The following MAP4K3 variants were observed in gnomAD, a reference collection of about 807,000 sequenced individuals.
MAP4K3 encodes the protein mitogen-activated protein kinase kinase kinase kinase 3.
Under a neutral mutation model 143.5 loss-of-function variants are expected in MAP4K3, and 94 were observed. The ratio of observed to expected loss-of-function variants is 0.65; its 90% CI spans 0.55 to 0.78. MAP4K3 has a LOEUF of 0.78. Ranked by LOEUF, MAP4K3 falls within the 30% of genes least tolerant of loss-of-function variation. MAP4K3 has a pLI of 0.00. For missense variants in MAP4K3, 1,077 were observed against 1,068.1 expected (o/e 1.01, Z -0.12); for synonymous variants, 416 against 347.2 (o/e 1.20, Z -2.20).
intron 31 of MAP4K3, among the ~76,000 whole-genome samples, chr2:39,255,395 G>A (rs1163331922): frequency 6.6e-6 from 1 of 152,022 alleles, no homozygotes; most frequent in Non-Finnish European, 1.5e-5. Context: ...ATGTATTCAG[G>A]GAGGAATAAA....
chr2:39,267,674 G>A (rs927194667), intron 26 of MAP4K3, among the ~76,000 whole-genome samples: 4 of 49,070 alleles, frequency 8.2e-5, no homozygotes, highest in African/African-American at 2.7e-4. Context: ...GCAAAACTCG[G>A]TCTCCAAAAA....
rs1022193118 is a variant in MAP4K3 at position 39,437,109 on chromosome 2, C to G, written c.-122G>C. On this transcript the variant is annotated 5_prime_UTR_variant, in exon 1 of 34. Transcript: ENST00000263881. ...TCCCCCGGCGGTCACAATCACCCGG[C>G]TCCACGCTGCGGCCGCCGCCGCCGC... 3.3e-6 allele frequency: 2 copies of G among 602,300 alleles called. No individual in the cohort carries two copies. Among genetic ancestry groups the G allele is most frequent in the African/African-American group, 2.0e-5 (1 of 50,186 alleles). The allele number at this position is 602,300 out of a possible 1,614,324, so 37.3% of individuals were successfully genotyped here.
At chr2:39,370,981 G>C (rs1288522278) in intron 2 of MAP4K3, among the ~76,000 whole-genome samples, 2 of 152,024 alleles carry the variant, frequency 1.3e-5, no homozygotes, top group African/African-American at 4.8e-5. Context: ...TATTCTACTA[G>C]CAAGCTCTGC....
intron 2 of MAP4K3, among the ~76,000 whole-genome samples, chr2:39,373,627 C>A (rs2148575274): frequency 6.6e-6 from 1 of 152,306 alleles, no homozygotes; most frequent in South Asian, 2.1e-4. Flanking sequence ...GAGATCCTGC[C>A]ATTTGCAACA....
rs1680076341 is a variant in MAP4K3 at position 39,249,709 on chromosome 2, A to T, written c.*909T>A. 6.6e-6 allele frequency: 1 copy of T among 152,646 alleles called. No homozygotes were observed. Among genetic ancestry groups the T allele is most frequent in the South Asian group, 2.1e-4 (1 of 4,836 alleles). 9.5% of individuals were successfully genotyped at this position (152,646 alleles called of 1,614,324 possible). A position where few individuals can be genotyped will look rare whatever the true frequency, so the allele number is the denominator to read the frequency against. The stretch of plus-strand genomic sequence containing the variant: ...AATGTTACAGTTCTTCAGTGTGATC[A>T]TATGAAATGTTTAGTGAGGACTCTT... On this transcript the variant is annotated 3_prime_UTR_variant, in exon 34 of 34. Transcript: ENST00000263881.
chr2:39,278,489 G>C lies in MAP4K3; in HGVS notation c.1715-3C>G. On this transcript the variant is annotated splice_region_variant and splice_polypyrimidine_tract_variant and intron_variant, in intron 23 of 33. Transcript: ENST00000263881. ...GGCACCAAATATCAAGTACTGATCT[G>C]AAATAAAAGTAATTCACTGACTGAT... The C allele has an allele frequency of 6.5e-7, 1 of 1,527,678 alleles. No homozygotes were observed. 94.6% of individuals were successfully genotyped at this position (1,527,678 alleles called of 1,614,324 possible).
rs190958206 is a variant in MAP4K3, at chr2:39,354,027, T to C, written c.245+2222A>G. On this transcript the variant is annotated intron_variant, in intron 3 of 33. Coordinates refer to ENST00000263881, the MANE Select transcript of MAP4K3 (RefSeq NM_003618.4). ...TTAACTACCAAAGATACGATTTGTCTCTGGCAAAAAGATCATGCTCATTTT... is the reference window on the plus strand; with the variant it reads ...TTAACTACCAAAGATACGATTTGTCCCTGGCAAAAAGATCATGCTCATTTT... Among the ~76,000 whole-genome samples, 16 of 152,314 alleles carry C rather than the reference T, an allele frequency of 1.1e-4. 1 individual carries two copies. Among genetic ancestry groups the C allele is most frequent in the South Asian group, 4.1e-4 (2 of 4,822 alleles).
chr2:39,318,335 G>A (rs980118981), intron 12 of MAP4K3, among the ~76,000 whole-genome samples: 2 of 151,884 alleles, frequency 1.3e-5, no homozygotes, highest in African/African-American at 4.8e-5. Context: ...TGAATCCCCC[G>A]TGACATACCA....
intron 6 of MAP4K3, among the ~76,000 whole-genome samples, chr2:39,333,959 TTTTGTGTGTG>T (rs1407051174): frequency 8.0e-5 from 7 of 87,244 alleles, no homozygotes; most frequent in African/African-American, 2.4e-4. Flanking sequence ...TGTTTCCCAT[TTTTGTGTGTG>T]TGTGTGTGTG....
chr2:39,337,423 C>T, intron 5 of MAP4K3, 103 bp downstream of exon 5: 16 of 746,084 alleles, frequency 2.1e-5, no homozygotes, highest in South Asian at 6.4e-5. Flanking sequence ...AAGAGTTTAC[C>T]AAACTAAAAT....
At chr2:39,365,475 T>C (rs1428177197) in intron 2 of MAP4K3, among the ~76,000 whole-genome samples, 1 of 143,906 alleles carries the variant, frequency 6.9e-6, no homozygotes, top group Non-Finnish European at 1.5e-5. Context: ...TCTCGCTCTG[T>C]CGCCCAGGCC....
At chr2:39,396,555 G>A (rs1007291700) in intron 1 of MAP4K3, among the ~76,000 whole-genome samples, 1 of 148,456 alleles carries the variant, frequency 6.7e-6, no homozygotes, top group Admixed American at 6.8e-5. Flanking sequence ...CTCATTGCAA[G>A]CTCCGCCTCC....
At chr2:39,350,950 G>A (rs1261212952) in intron 3 of MAP4K3, among the ~76,000 whole-genome samples, 1 of 151,980 alleles carries the variant, frequency 6.6e-6, no homozygotes, top group Non-Finnish European at 1.5e-5. Flanking sequence ...AATTTTCAGA[G>A]GGGAAAAAAT....
chr2:39,300,127 G>A (rs1682449584), intron 15 of MAP4K3, among the ~76,000 whole-genome samples: 2 of 152,084 alleles, frequency 1.3e-5, no homozygotes, highest in African/African-American at 2.4e-5. Flanking sequence ...CAGTTATAAT[G>A]AAGCAAAAAC....
chr2:39,309,628 G>C, intron 13 of MAP4K3, 109 bp from the exon 14 acceptor site: 1 of 583,634 alleles, frequency 1.7e-6, no homozygotes, highest in South Asian at 2.1e-5. Context: ...CGCAATCTCA[G>C]CTCACTGCAA....
chr2:39,326,019 C>T (rs1309335966), intron 9 of MAP4K3, 58 bp from the exon 10 acceptor site: 2 of 1,495,318 alleles, frequency 1.3e-6, no homozygotes, highest in Non-Finnish European at 1.8e-6. Context: ...TTATCTATTA[C>T]ACAAATTCTA....
chr2:39,361,665 C>A (rs1322935963), intron 2 of MAP4K3, among the ~76,000 whole-genome samples: 1 of 151,234 alleles, frequency 6.6e-6, no homozygotes, highest in Non-Finnish European at 1.5e-5. Context: ...CTTTTAAAAT[C>A]TTTAAAATGA....
rs75758657 is a variant in MAP4K3 at position 39,296,133 on chromosome 2, T to A, written c.1179-2865A>T. On this transcript the variant is annotated intron_variant, in intron 16 of 33. Coordinates refer to ENST00000263881, the MANE Select transcript of MAP4K3 (RefSeq NM_003618.4). ...ATAGCCCATGGCTCAGGGATTCATA[T>A]GTATATTTTAATTCATTTACCTATA... 7.4e-4 allele frequency among the ~76,000 whole-genome samples: 113 copies of A among 152,344 alleles called. No homozygotes were observed. The East Asian group carries it at 0.017, about 23-fold the overall frequency.
intron 8 of MAP4K3, among the ~76,000 whole-genome samples, chr2:39,327,813 T>A (rs1467807555): frequency 6.6e-6 from 1 of 151,650 alleles, no homozygotes; most frequent in Non-Finnish European, 1.5e-5. Context: ...GGGAAATGCA[T>A]GCAAGTGATA....
Sources: allele counts gnomAD v4.1 joint callset (sites outside exome capture counted in the v4.1 genomes callset), GRCh38; gene constraint gnomAD v4.1.1; transcripts MANE v1.5; gene names NCBI Gene and HGNC (gene_info 2026-07-23, HGNC 2026-07-21).